Variants in CNTNAP3B observed in about 807,000 individuals in gnomAD.
CNTNAP3B encodes contactin-associated protein-like 3B.
Under a neutral mutation model 108.9 loss-of-function variants are expected in CNTNAP3B, and 25 were observed. The observed-to-expected ratio is 0.23, with a 90% CI of 0.17 to 0.32. CNTNAP3B has a LOEUF of 0.32. CNTNAP3B is among the 10% of genes least tolerant of loss of function. The pLI is 1.00. For synonymous variants in CNTNAP3B, 103 were observed against 473.4 expected, an observed-to-expected ratio of 0.22 and a Z score of 10.16; for missense variants, 252 against 1,210.4, an observed-to-expected ratio of 0.21 and a Z score of 11.75.
rs531584746 is a variant in CNTNAP3B, at chr9:42,077,449, G to A, written c.197-387C>T. ...ATTAAGCACTGATAAAAGAAAGACA[G>A]TTAATATATTGACCTTGCACTCAAA... On this transcript the variant is annotated intron_variant, in intron 2 of 23. Transcript: ENST00000377561. 1.5e-5 allele frequency among the ~76,000 whole-genome samples: 2 copies of A among 137,230 alleles called. 1 individual carries two copies. Among genetic ancestry groups the A allele is most frequent in the South Asian group, 4.8e-4 (2 of 4,200 alleles). The allele number at this position is 137,230 out of a possible 152,430, so 90.0% of individuals were successfully genotyped here.
intron 18 of CNTNAP3B, among the ~76,000 whole-genome samples, chr9:41,919,755 T>C (rs1192329310): frequency 6.6e-6 from 1 of 152,300 alleles, no homozygotes; most frequent in Non-Finnish European, 1.5e-5. Flanking sequence ...AATGATGCTT[T>C]ACTGATGTTA....
intron 12 of CNTNAP3B, among the ~76,000 whole-genome samples, chr9:41,959,743 T>G (rs1280346761): frequency 6.6e-6 from 1 of 152,310 alleles, no homozygotes; most frequent in African/African-American, 2.4e-5. Context: ...CTAAGGCACT[T>G]TAAATGCCCA....
At chr9:41,961,658 C>T (rs1241552405) in intron 11 of CNTNAP3B, among the ~76,000 whole-genome samples, 5 of 152,294 alleles carry the variant, frequency 3.3e-5, no homozygotes, top group African/African-American at 7.2e-5. Context: ...TATAAGCTAT[C>T]AACTTCTCGT....
At chr9:41,945,516 AC>A (rs1824506797) in intron 13 of CNTNAP3B, among the ~76,000 whole-genome samples, 1 of 152,310 alleles carries the variant, frequency 6.6e-6, no homozygotes, top group African/African-American at 2.4e-5. Flanking sequence ...TATCGCAAGG[AC>A]AAAAAACCAA....
intron 1 of CNTNAP3B, among the ~76,000 whole-genome samples, chr9:42,109,993 A>T (rs915828333): frequency 7.2e-6 from 1 of 138,650 alleles, no homozygotes; most frequent in Non-Finnish European, 1.5e-5. Flanking sequence ...CGAAGAATGC[A>T]TGTCCCCCTA....
chr9:41,934,122 T>TATATATATATATATATATATAC lies in CNTNAP3B; in HGVS notation c.2237+4121_2237+4122insGTATATATATATATATATATAT, dbSNP rs1214326050. Among the ~76,000 whole-genome samples, 172 of 73,148 alleles carry TATATATATATATATATATATAC rather than the reference T, an allele frequency of 2.4e-3. 1 individual carries two copies. Among genetic ancestry groups the TATATATATATATATATATATAC allele is most frequent in the African/African-American group, 8.7e-3 (146 of 16,818 alleles). The allele number at this position is 73,148 out of a possible 152,430, so 48.0% of individuals were successfully genotyped here. Reference sequence around the variant, plus strand: ...TTACATATATATATATATATATATATACACACACATATATATATACACACA... The same window carrying TATATATATATATATATATATAC: ...TTACATATATATATATATATATATATATATATATATATATATATATACACACACACATATATATATACACACA... On this transcript the variant is annotated intron_variant, in intron 14 of 23. Coordinates refer to ENST00000377561, the MANE Select transcript of CNTNAP3B (RefSeq NM_001201380.3).
At chr9:42,110,353 G>C (rs1011034610) in intron 1 of CNTNAP3B, among the ~76,000 whole-genome samples, 1 of 136,998 alleles carries the variant, frequency 7.3e-6, no homozygotes, top group Non-Finnish European at 1.6e-5. Flanking sequence ...AAGGAGCTAA[G>C]CACTGTGTCG....
intron 13 of CNTNAP3B, among the ~76,000 whole-genome samples, chr9:41,947,536 A>C (rs1320899975): frequency 6.6e-6 from 1 of 152,230 alleles, no homozygotes; most frequent in Non-Finnish European, 1.5e-5. Flanking sequence ...AAATGTAGGT[A>C]AAACTGTGTT....
chr9:42,113,156 T>C, intron 1 of CNTNAP3B, among the ~76,000 whole-genome samples: 1 of 134,448 alleles, frequency 7.4e-6, no homozygotes, highest in Non-Finnish European at 1.6e-5. Context: ...ATGAAGGAGA[T>C]GGGATGGGAA....
chr9:41,936,134 G>A (rs916943471), intron 14 of CNTNAP3B, among the ~76,000 whole-genome samples: 2 of 152,306 alleles, frequency 1.3e-5, no homozygotes, highest in Non-Finnish European at 2.9e-5. Context: ...ACAAAAATTA[G>A]CCAGGTGTGG....
At chr9:41,950,830 G>T (rs1355295743) in intron 13 of CNTNAP3B, among the ~76,000 whole-genome samples, 3 of 138,642 alleles carry the variant, frequency 2.2e-5, no homozygotes, top group Non-Finnish European at 4.6e-5. Context: ...GCGCCATCTC[G>T]GCTCACTGCA....
intron 2 of CNTNAP3B, 68 bp from the exon 3 acceptor site, chr9:42,077,130 T>A: frequency 9.2e-7 from 1 of 1,083,584 alleles, no homozygotes; most frequent in Non-Finnish European, 1.3e-6. Flanking sequence ...TGTTACTAGA[T>A]TAGAAAACTA....
chr9:41,969,719 G>A (rs1825385896), intron 10 of CNTNAP3B, among the ~76,000 whole-genome samples: 1 of 149,656 alleles, frequency 6.7e-6, no homozygotes. Flanking sequence ...CCGGGTTCAT[G>A]CCATTCTCCT....
chr9:42,096,011 C>T lies in CNTNAP3B; in HGVS notation c.196+8618G>A, dbSNP rs1391195992. On this transcript the variant is annotated intron_variant, in intron 2 of 23. Coordinates refer to ENST00000377561, the MANE Select transcript of CNTNAP3B (RefSeq NM_001201380.3). ...ACCCTTTCTCCTCCCTCTGCCAGAC[C>T]TCAGGCAGGAACATGGTCTTGCTCA... Among the ~76,000 whole-genome samples, 2 of 138,678 alleles carry T rather than the reference C, an allele frequency of 1.4e-5. 1 individual carries two copies. Among genetic ancestry groups the T allele is most frequent in the African/African-American group, 5.8e-5 (2 of 34,754 alleles). The allele number at this position is 138,678 out of a possible 152,430, so 91.0% of individuals were successfully genotyped here. A position where few individuals can be genotyped will look rare whatever the true frequency, so the allele number is the denominator to read the frequency against.
At chr9:42,003,399 G>T (rs1180503149) in intron 4 of CNTNAP3B, among the ~76,000 whole-genome samples, 1 of 58,964 alleles carries the variant, frequency 1.7e-5, no homozygotes, top group African/African-American at 5.2e-5. Flanking sequence ...TCTTACAAAA[G>T]AAAAAAAAAA....
rs1207817338 is a variant in CNTNAP3B at position 42,090,973 on chromosome 9, T to TATACACACACAC, written c.196+13655_196+13656insGTGTGTGTGTAT. Among the ~76,000 whole-genome samples the TATACACACACAC allele has an allele frequency of 1.1e-4, 4 of 37,750 alleles. 1 individual carries two copies. The highest frequency in any genetic ancestry group is 7.5e-4 in the Admixed American group (2 of 2,672). 24.8% of individuals were successfully genotyped at this position (37,750 alleles called of 152,430 possible). ...CTGACTCTCTCTAAATATATATATA[T>TATACACACACAC]ACACACACACACACACACACACACA... On this transcript the variant is annotated intron_variant, in intron 2 of 23. Coordinates refer to ENST00000377561, the MANE Select transcript of CNTNAP3B (RefSeq NM_001201380.3).
chr9:41,965,685 C>T (rs1382678025), intron 10 of CNTNAP3B, among the ~76,000 whole-genome samples: 1 of 152,010 alleles, frequency 6.6e-6, no homozygotes, highest in Non-Finnish European at 1.5e-5. Context: ...AGGCGGGGAG[C>T]ACCCAAGTGC....
rs1828406175 is a variant in CNTNAP3B, at chr9:42,119,454, T to A, written c.85+9556A>T. ...CATCCCCATCAAGCTACCAATGACT[T>A]TCTTCACAGAATTGGAAAAAACTAC... On this transcript the variant is annotated intron_variant, in intron 1 of 23. Coordinates refer to ENST00000377561, the MANE Select transcript of CNTNAP3B (RefSeq NM_001201380.3). 2.3e-5 allele frequency among the ~76,000 whole-genome samples: 3 copies of A among 130,522 alleles called. No homozygotes were observed. The South Asian group carries it at 7.7e-4, about 34-fold the overall frequency. 85.6% of individuals were successfully genotyped at this position (130,522 alleles called of 152,430 possible).
chr9:42,116,740 A>G lies in CNTNAP3B; in HGVS notation c.86-12001T>C, dbSNP rs1828327921. Among the ~76,000 whole-genome samples, 2 of 139,970 alleles carry G rather than the reference A, an allele frequency of 1.4e-5. 1 individual carries two copies. The highest frequency in any genetic ancestry group is 5.7e-5 in the African/African-American group (2 of 35,248). The allele number at this position is 139,970 out of a possible 152,430, so 91.8% of individuals were successfully genotyped here. A position where few individuals can be genotyped will look rare whatever the true frequency, so the allele number is the denominator to read the frequency against. On this transcript the variant is annotated intron_variant, in intron 1 of 23. Coordinates refer to ENST00000377561, the MANE Select transcript of CNTNAP3B (RefSeq NM_001201380.3). Reference sequence around the variant, plus strand: ...AGACACAGAGTGGCAAATTGGATAAAGAGTCAAGACCCATCAGTGTGCTGT... The same window carrying G: ...AGACACAGAGTGGCAAATTGGATAAGGAGTCAAGACCCATCAGTGTGCTGT...
Sources: gnomAD v4.1 joint callset for allele counts (sites outside exome capture counted in the v4.1 genomes callset) on GRCh38, gnomAD v4.1.1 for gene constraint, MANE v1.5 for transcripts, NCBI Gene and HGNC (gene_info 2026-07-23, HGNC 2026-07-21) for gene names.